The following TRPC4 variants were observed in gnomAD, a reference collection of about 807,000 sequenced individuals.
TRPC4 encodes the protein transient receptor potential cation channel subfamily C member 4, also known as short transient receptor potential channel 4.
A neutral mutation model predicts 99.4 loss-of-function variants in TRPC4; 49 were observed. That is an observed-to-expected ratio of 0.49 (90% CI 0.39 to 0.63). The LOEUF is 0.63. Among genes scored for constraint, TRPC4 ranks in the 20% least tolerant of loss-of-function variants. TRPC4 has a pLI of 0.00. For missense variants in TRPC4, 898 were observed against 1,152.9 expected, an observed-to-expected ratio of 0.78 and a Z score of 3.20; for synonymous variants, 454 against 425.9, an observed-to-expected ratio of 1.07 and a Z score of -0.81.
At chr13:37,770,457 T>C (rs1390674009) in intron 2 of TRPC4, among the ~76,000 whole-genome samples, 2 of 151,574 alleles carry the variant, frequency 1.3e-5, no homozygotes, top group Non-Finnish European at 3.0e-5. Flanking sequence ...AAATAGAACA[T>C]GATACAGTAA....
intron 6 of TRPC4, among the ~76,000 whole-genome samples, chr13:37,655,791 A>G (rs1024710849): frequency 1.3e-5 from 2 of 152,134 alleles, no homozygotes; most frequent in Admixed American, 6.6e-5. Flanking sequence ...ATGGCTCAGA[A>G]AACCTAAAAT....
intron 2 of TRPC4, among the ~76,000 whole-genome samples, chr13:37,755,401 A>G (rs1395259324): frequency 6.6e-6 from 1 of 150,944 alleles, no homozygotes; most frequent in Non-Finnish European, 1.5e-5. Context: ...GACTACAGGC[A>G]TAGCACCACC....
rs1951441469 is a variant in TRPC4 at position 37,633,676 on chromosome 13, G to C, written c.*3227C>G. Among the ~76,000 whole-genome samples, 1 of 152,052 alleles carries C rather than the reference G, an allele frequency of 6.6e-6. No individual in the cohort carries two copies. Among genetic ancestry groups the C allele is most frequent in the Non-Finnish European group, 1.5e-5 (1 of 67,984 alleles). ...ATTTCAAGTTGCTGTCTACGTCAAG[G>C]CAAGAAAGTGAGTATGTTTTTGCAT... On this transcript the variant is annotated 3_prime_UTR_variant, in exon 11 of 11. Coordinates refer to ENST00000379705, the MANE Select transcript of TRPC4 (RefSeq NM_016179.4).
chr13:37,734,797 C>T (rs559841648), intron 3 of TRPC4, among the ~76,000 whole-genome samples: 21 of 152,072 alleles, frequency 1.4e-4, no homozygotes, highest in Non-Finnish European at 2.8e-4. Context: ...CAACAATGTC[C>T]ATCATTTAAC....
In TRPC4 at chr13:37,717,006, C is replaced by A. The variant is rs1954697431; in HGVS notation, c.898-24671G>T. On this transcript the variant is annotated intron_variant, in intron 3 of 10. Transcript: ENST00000379705. Reference sequence around the variant, plus strand: ...ACCAAACGCACACTCTTTGATCTGGCGACCTAGAGTAAGTGTGTAATAACA... The same window carrying A: ...ACCAAACGCACACTCTTTGATCTGGAGACCTAGAGTAAGTGTGTAATAACA... Among the ~76,000 whole-genome samples, 4 of 151,884 alleles carry A rather than the reference C, an allele frequency of 2.6e-5. No individual in the cohort carries two copies. The South Asian group carries it at 8.3e-4, about 31-fold the overall frequency.
Position 37,745,317 on chromosome 13 carries a change from C to G in TRPC4, c.897+620G>C, listed in dbSNP as rs1011694614. On this transcript the variant is annotated intron_variant, in intron 3 of 10. Coordinates refer to ENST00000379705, the MANE Select transcript of TRPC4 (RefSeq NM_016179.4). ...GGACCCATGGATAGGAAAAAATCAG[C>G]CTTCCATATCTGAATGTTCCACATC... 3.8e-4 allele frequency among the ~76,000 whole-genome samples: 57 copies of G among 151,196 alleles called. 1 individual carries two copies. Among genetic ancestry groups the G allele is most frequent in the African/African-American group, 1.3e-3 (52 of 41,010 alleles).
chr13:37,833,663 C>A (rs536967667), intron 1 of TRPC4, among the ~76,000 whole-genome samples: 1 of 152,134 alleles, frequency 6.6e-6, no homozygotes, highest in African/African-American at 2.4e-5. Flanking sequence ...TAAGATATTT[C>A]TGGCATCTCG....
intron 3 of TRPC4, among the ~76,000 whole-genome samples, chr13:37,715,558 C>T (rs1247153023): frequency 6.6e-6 from 1 of 152,144 alleles, no homozygotes; most frequent in East Asian, 1.9e-4. Context: ...TTCCTTCTTC[C>T]TGCCGTCCCA....
intron 3 of TRPC4, among the ~76,000 whole-genome samples, chr13:37,710,993 C>G (rs912165503): frequency 1.3e-5 from 2 of 151,854 alleles, no homozygotes; most frequent in African/African-American, 4.8e-5. Context: ...TAAAATGAAA[C>G]TTCATTAAAA....
intron 3 of TRPC4, among the ~76,000 whole-genome samples, chr13:37,712,801 T>G (rs1241422443): frequency 6.6e-6 from 1 of 152,184 alleles, no homozygotes; most frequent in Non-Finnish European, 1.5e-5. Flanking sequence ...AGATACAACC[T>G]GCATATTAGC....
At chr13:37,674,470 C>T in intron 4 of TRPC4, 103 bp from the exon 5 acceptor site, 9 of 1,216,874 alleles carry the variant, frequency 7.4e-6, no homozygotes, top group Non-Finnish European at 1.0e-5. Context: ...CAAGAGACCA[C>T]ATTGTTACAC....
intron 5 of TRPC4, among the ~76,000 whole-genome samples, chr13:37,664,249 G>A (rs1156909180): frequency 6.6e-6 from 1 of 152,142 alleles, no homozygotes; most frequent in Non-Finnish European, 1.5e-5. Context: ...ATTTAACTGT[G>A]TACTATCGAG....
intron 1 of TRPC4, among the ~76,000 whole-genome samples, chr13:37,795,924 G>A (rs1289646092): frequency 6.6e-6 from 1 of 152,022 alleles, no homozygotes; most frequent in Non-Finnish European, 1.5e-5. Context: ...ACTCCCTCAC[G>A]GTCATACAGC....
chr13:37,835,693 C>G (rs1394952739), intron 1 of TRPC4, among the ~76,000 whole-genome samples: 1 of 152,096 alleles, frequency 6.6e-6, no homozygotes, highest in Admixed American at 6.5e-5. Flanking sequence ...AGGAAGATAA[C>G]AAATGTTTTG....
chr13:37,725,686 A>G (rs933338372), intron 3 of TRPC4, among the ~76,000 whole-genome samples: 2 of 152,216 alleles, frequency 1.3e-5, no homozygotes, highest in South Asian at 2.1e-4. Flanking sequence ...TTAAGTATAT[A>G]TAGCTTTGTC....
chr13:37,836,893 T>G (rs1958580993), intron 1 of TRPC4, among the ~76,000 whole-genome samples: 1 of 152,042 alleles, frequency 6.6e-6, no homozygotes, highest in African/African-American at 2.4e-5. Context: ...CCCAGAGACC[T>G]AGGAGGAAAA....
chr13:37,640,797 C>G (rs956575588), intron 8 of TRPC4, among the ~76,000 whole-genome samples: 1 of 152,096 alleles, frequency 6.6e-6, no homozygotes, highest in Non-Finnish European at 1.5e-5. Flanking sequence ...TAAAGTGAGT[C>G]GTACATCAAT....
rs139358167 is a variant in TRPC4 at position 37,694,020 on chromosome 13, A to G, written c.898-1685T>C. On this transcript the variant is annotated intron_variant, in intron 3 of 10. Coordinates refer to ENST00000379705, the MANE Select transcript of TRPC4 (RefSeq NM_016179.4). ...GAAAGTCAAAATAGAGTTTTTGCTT[A>G]TATAACTGTAGAGTATTGATAAACA... Among the ~76,000 whole-genome samples the G allele has an allele frequency of 1.6e-4, 24 of 152,316 alleles. No individual in the cohort carries two copies. In the East Asian group the frequency reaches 3.9e-3, roughly 25 times the overall value.
At chr13:37,820,423 C>T (rs963583863) in intron 1 of TRPC4, among the ~76,000 whole-genome samples, 1 of 151,928 alleles carries the variant, frequency 6.6e-6, no homozygotes, top group Non-Finnish European at 1.5e-5. Context: ...AGGAGACTCC[C>T]CCTTACTCAT....
Sources: gnomAD v4.1 joint callset for allele counts (sites outside exome capture counted in the v4.1 genomes callset) on GRCh38, gnomAD v4.1.1 for gene constraint, MANE v1.5 for transcripts, NCBI Gene and HGNC (gene_info 2026-07-23, HGNC 2026-07-21) for gene names.